The following MYH15 variants were observed in gnomAD, a reference collection of about 807,000 sequenced individuals.
The protein encoded by MYH15 is myosin heavy chain 15.
A neutral mutation model predicts 240.5 loss-of-function variants in MYH15; 227 were observed. That is an observed-to-expected ratio of 0.94 (90% CI 0.85 to 1.05). The LOEUF (loss-of-function observed/expected upper bound fraction) is 1.05. MYH15 is among the 50% of genes least tolerant of loss of function. MYH15 has a pLI of 0.00. For missense variants in MYH15, 2,217 were observed against 2,247.5 expected, an observed-to-expected ratio of 0.99 and a Z score of 0.27; for synonymous variants, 785 against 796.7, an observed-to-expected ratio of 0.99 and a Z score of 0.25.
At chr3:108,488,582 A>G (rs2083322858) in intron 9 of MYH15, among the ~76,000 whole-genome samples, 1 of 152,232 alleles carries the variant, frequency 6.6e-6, no homozygotes. Context: ...TGCTGGGATT[A>G]CAGTCATGAG....
chr3:108,442,048 A>G (rs965172497), intron 22 of MYH15, among the ~76,000 whole-genome samples: 60 of 152,220 alleles, frequency 3.9e-4, no homozygotes, highest in Non-Finnish European at 1.3e-4. Context: ...TTTATTGGCT[A>G]AATAAAACCT....
intron 10 of MYH15, among the ~76,000 whole-genome samples, chr3:108,485,928 A>G (rs2083301912): frequency 6.6e-6 from 1 of 152,236 alleles, no homozygotes; most frequent in South Asian, 2.1e-4. Context: ...TGAGTCTAAC[A>G]CTAAGAGAAT....
chr3:108,454,140 C>T lies in MYH15; in HGVS notation c.2265G>A (p.Val755=), dbSNP rs1452794155. 3 of 1,608,090 alleles carry T rather than the reference C, an allele frequency of 1.9e-6. No individual in the cohort carries two copies. The highest frequency in any genetic ancestry group is 2.6e-6 in the Non-Finnish European group (3 of 1,175,830). Residue 755 remains valine (V), a splice_region_variant and synonymous_variant, in exon 21 of 41, where the codon GTG becomes GTA. Coordinates refer to ENST00000693548, the MANE Select transcript of MYH15 (RefSeq NM_014981.3). The part of the protein sequence containing the change: ...HTQYRFGITK[V]FFKAGFLGQL... The stretch of plus-strand genomic sequence containing the variant: ...GGCCCAGAAACCCAGCTTTAAAAAA[C>T]ACCTAAAGGAAAAGTCAGATGTTAG...
upstream of MYH15, among the ~76,000 whole-genome samples, chr3:108,513,007 C>A (rs1454247873): frequency 6.6e-6 from 1 of 152,160 alleles, no homozygotes; most frequent in Admixed American, 6.6e-5. Context: ...TAATGTCCTA[C>A]TGACCTCTGG....
intron 16 of MYH15, among the ~76,000 whole-genome samples, chr3:108,462,068 A>T (rs1242230438): frequency 1.3e-5 from 2 of 152,148 alleles, no homozygotes; most frequent in Admixed American, 1.3e-4. Context: ...TCAAATGTGC[A>T]TGTGAAATCT....
chr3:108,414,390 C>T lies in MYH15; in HGVS notation c.3987G>A (p.Gln1329=). 1 of 1,614,142 alleles carries T rather than the reference C, an allele frequency of 6.2e-7. No homozygotes were observed. Among genetic ancestry groups the T allele is most frequent in the Non-Finnish European group, 8.5e-7 (1 of 1,180,034 alleles). Residue 1329 remains glutamine (Q), a synonymous_variant, in exon 30 of 41, where the codon CAG becomes CAA. Transcript: ENST00000693548. ...GCTCTCGTAGAAGGTCACAGTCACG[C>T]TGAGCCTTCTGCAGGGCATGGGCCA... ...SALAHALQKA[Q]RDCDLLREQY... is the part of the protein sequence containing the mutation.
intron 25 of MYH15, among the ~76,000 whole-genome samples, chr3:108,434,393 G>A (rs2082813069): frequency 6.6e-6 from 1 of 151,584 alleles, no homozygotes; most frequent in Non-Finnish European, 1.5e-5. Context: ...TGTTGGCCAG[G>A]CTGGTCTCGA....
upstream of MYH15, among the ~76,000 whole-genome samples, chr3:108,531,110 G>A (rs1458791754): frequency 6.6e-6 from 1 of 152,226 alleles, no homozygotes; most frequent in Non-Finnish European, 1.5e-5. Flanking sequence ...GTAGCAGGAT[G>A]CAGGACAGAA....
chr3:108,430,442 T>TA (rs1395649467), intron 26 of MYH15, among the ~76,000 whole-genome samples: 1 of 152,202 alleles, frequency 6.6e-6, no homozygotes, highest in African/African-American at 2.4e-5. Context: ...ATAATCATCA[T>TA]AAAAATTAAA....
At chr3:108,386,754 A>G (rs571685444) in intron 38 of MYH15, among the ~76,000 whole-genome samples, 19 of 151,974 alleles carry the variant, frequency 1.3e-4, no homozygotes, top group South Asian at 6.3e-4. Flanking sequence ...TTCCTAGAGA[A>G]CCCTCTCAAC....
chr3:108,538,427 T>C, the MYH15 span, among the ~76,000 whole-genome samples: 22 of 152,322 alleles, frequency 1.4e-4, 1 homozygote, highest in East Asian at 4.2e-3. Flanking sequence ...TGATAAATAT[T>C]TTAAATTCTT....
intron 2 of MYH15, among the ~76,000 whole-genome samples, chr3:108,503,197 C>T (rs138300003): frequency 1.7e-4 from 26 of 152,256 alleles, no homozygotes; most frequent in African/African-American, 6.3e-4. Flanking sequence ...TTCTTTCTAC[C>T]TGCATTAATG....
chr3:108,398,759 A>C lies in MYH15; in HGVS notation c.5011T>G (p.Ser1671Ala). The change falls in exon 35 of 41, where the codon TCT becomes GCT. Residue 1671 changes from serine to alanine, a missense_variant. By Grantham distance (99) the Ser-to-Ala change is moderately conservative. Coordinates refer to ENST00000693548, the MANE Select transcript of MYH15 (RefSeq NM_014981.3). ...EQVAVAERRN[S>A]LLQSELEDLR... ...TCCTCTAGTTCAGACTGAAGAAGAG[A>C]GTTGCGCCGCTCAGCCACAGCCACC... 6.2e-7 allele frequency: 1 copy of C among 1,614,084 alleles called. No individual in the cohort carries two copies. Among genetic ancestry groups the C allele is most frequent in the Non-Finnish European group, 8.5e-7 (1 of 1,180,016 alleles).
intron 30 of MYH15, among the ~76,000 whole-genome samples, chr3:108,412,936 T>C (rs565676675): frequency 3.3e-5 from 5 of 152,382 alleles, no homozygotes; most frequent in Non-Finnish European, 5.9e-5. Flanking sequence ...ATTTATTCTA[T>C]GTCCCACCAA....
At chr3:108,450,036 T>G (rs1328034934) in intron 21 of MYH15, among the ~76,000 whole-genome samples, 1 of 152,012 alleles carries the variant, frequency 6.6e-6, no homozygotes, top group Non-Finnish European at 1.5e-5. Flanking sequence ...CCTGTTAGAA[T>G]GGCTACTAAA....
chr3:108,498,078 C>T lies in MYH15; in HGVS notation c.592G>A (p.Ala198Thr), dbSNP rs1233013473. Reference sequence around the variant, plus strand: ...TGCTTTTTCCTGGATTCAATCATGGCTGCTATGGTGGCAAAATACTGGATA... The same window carrying T: ...TGCTTTTTCCTGGATTCAATCATGGTTGCTATGGTGGCAAAATACTGGATA... ...HIIQYFATIA[A>T]MIESRKKQGA... The change falls in exon 6 of 41, where the codon GCC becomes ACC. Residue 198 changes from alanine (A) to threonine (T), a missense_variant. Physicochemically the swap from Ala to Thr is moderately conservative, Grantham distance 58 (BLOSUM62 0). Coordinates refer to ENST00000693548, the MANE Select transcript of MYH15 (RefSeq NM_014981.3). 1 of 1,614,058 alleles carries T rather than the reference C, an allele frequency of 6.2e-7. No individual in the cohort carries two copies. The highest frequency in any genetic ancestry group is 1.7e-5 in the Admixed American group (1 of 60,006).
At chr3:108,497,230 C>T (rs949943161) in intron 6 of MYH15, among the ~76,000 whole-genome samples, 2 of 128,146 alleles carry the variant, frequency 1.6e-5, no homozygotes, top group Admixed American at 7.7e-5. Context: ...AATTCAGGAA[C>T]GTGGTGGTAA....
intron 18 of MYH15, among the ~76,000 whole-genome samples, chr3:108,457,440 G>T (rs1439803980): frequency 6.6e-6 from 1 of 152,116 alleles, no homozygotes; most frequent in Non-Finnish European, 1.5e-5. Flanking sequence ...CTATTCTGTA[G>T]TATAAGCATC....
At chr3:108,501,976 G>T in intron 2 of MYH15, 121 bp from the exon 3 acceptor site, 2 of 1,065,970 alleles carry the variant, frequency 1.9e-6, no homozygotes, top group Non-Finnish European at 2.7e-6. Context: ...TAGGGGATGG[G>T]GCCAGAAGAA....
Sources: gnomAD v4.1 joint callset for allele counts (sites outside exome capture counted in the v4.1 genomes callset) on GRCh38, gnomAD v4.1.1 for gene constraint, MANE v1.5 for transcripts, NCBI Gene and HGNC (gene_info 2026-07-23, HGNC 2026-07-21) for gene names.